Variants in INPP5K observed in about 807,000 individuals in gnomAD.
INPP5K encodes inositol polyphosphate-5-phosphatase K, also known as inositol polyphosphate 5-phosphatase K.
A neutral mutation model predicts 53.5 loss-of-function variants in INPP5K; 35 were observed. The observed-to-expected ratio is 0.65, with a 90% CI of 0.50 to 0.87. The LOEUF is 0.87. Ranked by LOEUF, INPP5K falls within the 40% of genes least tolerant of loss-of-function variation. INPP5K has a pLI of 0.00. For synonymous variants in INPP5K, 253 were observed against 232.8 expected (o/e 1.09, Z -0.79); for missense variants, 550 against 586.2 (o/e 0.94, Z 0.64).
chr17:1,513,319 T>C, intron 3 of INPP5K, 134 bp downstream of exon 3: 1 of 792,726 alleles, frequency 1.3e-6, no homozygotes, highest in South Asian at 1.6e-5. Context: ...GGAAGGGAGG[T>C]TTAGCCCTTT....
At chr17:1,500,465 T>C (rs912763192) in intron 7 of INPP5K, among the ~76,000 whole-genome samples, 4 of 152,030 alleles carry the variant, frequency 2.6e-5, no homozygotes, top group African/African-American at 7.2e-5. Flanking sequence ...CCCAGGTTCA[T>C]GCAATTCTCC....
intron 10 of INPP5K, 59 bp from the exon 11 acceptor site, chr17:1,496,223 T>G (rs902607232): frequency 1.2e-4 from 183 of 1,515,158 alleles, no homozygotes; most frequent in Non-Finnish European, 1.5e-4. Context: ...CACCCAGCTC[T>G]GAGTGACAAG....
Position 1,495,996 on chromosome 17 carries a change from C to T in INPP5K, c.1290+64G>A, listed in dbSNP as rs2074823955. 7 of 1,412,190 alleles carry T rather than the reference C, an allele frequency of 5.0e-6. No individual in the cohort carries two copies. In the African/African-American group the frequency reaches 8.5e-5, roughly 17 times the overall value. The allele number at this position is 1,412,190 out of a possible 1,614,324, so 87.5% of individuals were successfully genotyped here. On this transcript the variant is annotated intron_variant, in intron 11 of 11. Transcript: ENST00000421807. ...GTACCGGCTGGCTCCCAGGCCTGGG[C>T]CTCAGGGAGCCAGTGATGAGCTCAA...
chr17:1,501,745 A>G (rs1031007750), intron 7 of INPP5K, among the ~76,000 whole-genome samples: 2 of 152,186 alleles, frequency 1.3e-5, no homozygotes, highest in Non-Finnish European at 2.9e-5. Context: ...GGGGCTGGGC[A>G]CGGTGGCTCA....
intron 5 of INPP5K, chr17:1,508,864 ACGGTCTG>A: frequency 4.2e-6 from 1 of 240,198 alleles, no homozygotes; most frequent in East Asian, 1.4e-4. Context: ...AGGGCGGGGA[ACGGTCTG>A]CAGACCCAGG....
chr17:1,509,632 C>A, intron 4 of INPP5K, 51 bp downstream of exon 4: 1 of 1,222,844 alleles, frequency 8.2e-7, no homozygotes, highest in Non-Finnish European at 1.2e-6. Context: ...CCCAGCTCCA[C>A]AGTTCCCAGC....
At chr17:1,510,802 G>C (rs952844785) in intron 3 of INPP5K, among the ~76,000 whole-genome samples, 1 of 151,916 alleles carries the variant, frequency 6.6e-6, no homozygotes, top group Admixed American at 6.6e-5. Flanking sequence ...ATTTTTGTTT[G>C]TTTTGTAGAG....
intron 1 of INPP5K, 81 bp downstream of exon 1, chr17:1,516,375 G>T: frequency 1.4e-6 from 2 of 1,416,950 alleles, no homozygotes; most frequent in African/African-American, 1.5e-5. Context: ...GAGGTCTGGT[G>T]CCTTGTCCAC....
chr17:1,505,800 C>T (rs915478931), intron 7 of INPP5K, among the ~76,000 whole-genome samples: 9 of 152,190 alleles, frequency 5.9e-5, no homozygotes, highest in African/African-American at 1.9e-4. Context: ...CACAGAGACA[C>T]TCCAGCTAGG....
At chr17:1,501,720 T>C (rs1039968153) in intron 7 of INPP5K, among the ~76,000 whole-genome samples, 4 of 152,182 alleles carry the variant, frequency 2.6e-5, no homozygotes, top group Non-Finnish European at 5.9e-5. Flanking sequence ...CTAGCAATGC[T>C]TACAACTTGG....
intron 1 of INPP5K, chr17:1,516,096 A>T: frequency 3.4e-6 from 4 of 1,172,068 alleles, no homozygotes; most frequent in Non-Finnish European, 4.2e-6. Context: ...CCATGGGATC[A>T]GGCAGACCTC....
Position 1,516,489 on chromosome 17 carries a change from C to A in INPP5K, c.11G>T (p.Arg4Leu). ...CCTGCCTTTCGGCCCGCTCAGCTTC[C>A]GCGAGCTCATGGCCGCCGTCGTCCC... MSS[R>L]KLSGPKGRRL... Residue 4 changes from arginine (R) to leucine (L), a missense_variant, in exon 1 of 12, where the codon CGG becomes CTG. Transcript: ENST00000421807. 6.3e-7 allele frequency: 1 copy of A among 1,586,630 alleles called. No individual in the cohort carries two copies. Among genetic ancestry groups the A allele is most frequent in the Non-Finnish European group, 8.5e-7 (1 of 1,175,176 alleles).
intron 1 of INPP5K, chr17:1,515,822 C>CA: frequency 1.2e-6 from 1 of 826,676 alleles, no homozygotes; most frequent in Non-Finnish European, 1.5e-6. Context: ...CGATCTCCCC[C>CA]TGCTGTCCGA....
intron 1 of INPP5K, among the ~76,000 whole-genome samples, chr17:1,514,763 G>T (rs927270748): frequency 6.6e-6 from 1 of 152,134 alleles, no homozygotes; most frequent in African/African-American, 2.4e-5. Context: ...TAGGGATTCA[G>T]ATTTCACCTT....
chr17:1,501,249 T>C (rs948220820), intron 7 of INPP5K, among the ~76,000 whole-genome samples: 5 of 152,210 alleles, frequency 3.3e-5, no homozygotes, highest in South Asian at 2.1e-4. Flanking sequence ...TGAGCCACCG[T>C]GCCTGGCCTA....
At chr17:1,516,361 C>CA in intron 1 of INPP5K, 95 bp downstream of exon 1, 1 of 1,333,472 alleles carries the variant, frequency 7.5e-7, no homozygotes, top group Non-Finnish European at 1.0e-6. Context: ...CAAAGGCAGT[C>CA]ATGGAGGTCT....
At chr17:1,497,460 C>T (rs547027997) in intron 8 of INPP5K, among the ~76,000 whole-genome samples, 3 of 152,126 alleles carry the variant, frequency 2.0e-5, no homozygotes, top group African/African-American at 2.4e-5. Flanking sequence ...GGCGGCAGAA[C>T]GAGACCCTAA....
Position 1,498,111 on chromosome 17 carries a change from C to A in INPP5K, c.788G>T (p.Arg263Leu). The change falls in exon 8 of 12, where the codon CGC becomes CTC. Residue 263 changes from arginine to leucine, a missense_variant. Transcript: ENST00000421807. ...SNDYDTSEKK[R>L]KPAWTDRILW... Reference sequence around the variant, plus strand: ...GATGCGATCGGTCCATGCAGGCTTGCGTTTTTTCTCACTGCAGGGGCAGGG... The same window carrying A: ...GATGCGATCGGTCCATGCAGGCTTGAGTTTTTTCTCACTGCAGGGGCAGGG... 6.3e-7 allele frequency: 1 copy of A among 1,599,876 alleles called. No individual in the cohort carries two copies. The highest frequency in any genetic ancestry group is 8.5e-7 in the Non-Finnish European group (1 of 1,170,004).
chr17:1,516,109 G>A, intron 1 of INPP5K: 2 of 1,215,670 alleles, frequency 1.6e-6, no homozygotes. Flanking sequence ...CAGACCTCCT[G>A]ATGTATGTGC....
Sources: gnomAD v4.1 joint callset for allele counts (sites outside exome capture counted in the v4.1 genomes callset) on GRCh38, gnomAD v4.1.1 for gene constraint, MANE v1.5 for transcripts, NCBI Gene and HGNC (gene_info 2026-07-23, HGNC 2026-07-21) for gene names.